HEATR4: variants seen among roughly 807,000 people sequenced by gnomAD.
The protein encoded by HEATR4 is HEAT repeat containing 4.
A neutral mutation model predicts 108.8 loss-of-function variants in HEATR4; 95 were observed. The ratio of observed to expected loss-of-function variants is 0.87; its 90% confidence interval spans 0.74 to 1.04. The LOEUF is 1.04. Ranked by LOEUF, HEATR4 falls within the 50% of genes least tolerant of loss-of-function variation. The probability of loss-of-function intolerance (pLI) is 0.00; values close to 1 mark genes in which losing one functional copy is unlikely to be tolerated. For missense variants in HEATR4, 1,152 were observed against 1,253.8 expected, an observed-to-expected ratio of 0.92 and a Z score of 1.23; for synonymous variants, 443 against 459.4, an observed-to-expected ratio of 0.96 and a Z score of 0.46.
intron 1 of HEATR4, chr14:73,537,951 G>C (rs113886692): frequency 9.7e-7 from 1 of 1,030,132 alleles, no homozygotes; most frequent in Non-Finnish European, 1.2e-6. Flanking sequence ...GTGTGTGTGT[G>C]TCCCCTTCGC....
the HEATR4 span, chr14:73,619,324 A>C: frequency 3.7e-6 from 6 of 1,614,058 alleles, no homozygotes; most frequent in Non-Finnish European, 4.2e-6. Flanking sequence ...CATCACAGCC[A>C]CTGTACTTAT....
At chr14:73,522,139 A>G in intron 3 of HEATR4, 133 bp downstream of exon 3, 1 of 930,916 alleles carries the variant, frequency 1.1e-6, no homozygotes, top group Non-Finnish European at 1.7e-6. Context: ...GCTCTCAGAG[A>G]GCAGGCCGGT....
At position 73,500,561 on chromosome 14, in the gene HEATR4, G is replaced by A. The variant is rs148646899; in HGVS notation, c.2275C>T (p.Arg759Cys). ...ACLAAGALQIRDKMVLECLLN... is the reference protein window; with the variant it reads ...ACLAAGALQICDKMVLECLLN... ...TTTCCCTGACTCACCATCTTGTCGC[G>A]GATCTGCAGGGCACCAGCTGCCAAA... Residue 759 changes from arginine (R) to cysteine (C), a missense_variant, in exon 12 of 18, where the codon CGC becomes TGC. Transcript: ENST00000553558. 563 of 1,612,696 alleles carry A rather than the reference G, an allele frequency of 3.5e-4. 4 individuals are homozygous for A. The highest frequency in any genetic ancestry group is 1.1e-4 in the Non-Finnish European group (125 of 1,179,510).
chr14:73,506,341 G>A (rs1886821304), intron 10 of HEATR4, 126 bp downstream of exon 10: 2 of 660,268 alleles, frequency 3.0e-6, no homozygotes, highest in Admixed American at 5.0e-5. Flanking sequence ...GAAGTAAGAA[G>A]TAGTGATGTG....
intron 8 of HEATR4, 120 bp from the exon 9 acceptor site, chr14:73,508,414 C>T: frequency 1.3e-6 from 1 of 792,722 alleles, no homozygotes; most frequent in Non-Finnish European, 2.1e-6. Flanking sequence ...TTGTGCCCCA[C>T]TCAGTCTAGA....
chr14:73,598,777 C>T, the HEATR4 span, among the ~76,000 whole-genome samples: 1 of 151,914 alleles, frequency 6.6e-6, no homozygotes, highest in African/African-American at 2.4e-5. Flanking sequence ...CCAAAGCAGG[C>T]GGATCACCTG....
chr14:73,590,472 G>A, the HEATR4 span, among the ~76,000 whole-genome samples: 1 of 152,202 alleles, frequency 6.6e-6, no homozygotes, highest in African/African-American at 2.4e-5. Flanking sequence ...CCCGCGCCGT[G>A]CGCCCGCACT....
chr14:73,597,070 T>TTTTATTTATTTATTTA, the HEATR4 span, among the ~76,000 whole-genome samples: 297 of 148,902 alleles, frequency 2.0e-3, 4 homozygotes, highest in African/African-American at 6.4e-3. Flanking sequence ...GGTAATTTTA[T>TTTTATTTATTTATTTA]TTTATTTATT....
chr14:73,500,319 T>C (rs1385907245), intron 12 of HEATR4, among the ~76,000 whole-genome samples: 3 of 151,706 alleles, frequency 2.0e-5, no homozygotes, highest in African/African-American at 7.3e-5. Flanking sequence ...TCGTTAGTGT[T>C]AGTGTACTTT....
Position 73,550,256 on chromosome 14 carries a change from C to G in HEATR4, c.-152+8495G>C, listed in dbSNP as rs1190612380. ...GTAGCTAAGGGAGTGACCGTGTTCT[C>G]GGGATGCAGCGACCATGGCACCCAT... On this transcript the variant is annotated intron_variant, in intron 1 of 17. Transcript: ENST00000553558. 1.8e-5 allele frequency among the ~76,000 whole-genome samples: 2 copies of G among 113,278 alleles called. 1 individual carries two copies. The highest frequency in any genetic ancestry group is 5.8e-5 in the African/African-American group (2 of 34,606). The allele number at this position is 113,278 out of a possible 152,430, so 74.3% of individuals were successfully genotyped here.
At chr14:73,600,835 G>A in the HEATR4 span, among the ~76,000 whole-genome samples, 1 of 152,098 alleles carries the variant, frequency 6.6e-6, no homozygotes, top group Non-Finnish European at 1.5e-5. Context: ...TACACCTCTA[G>A]ATATCTGTTT....
At chr14:73,491,699 G>T (rs1595082883) in intron 17 of HEATR4, 1 of 1,550,224 alleles carries the variant, frequency 6.5e-7, no homozygotes, top group Non-Finnish European at 8.7e-7. Flanking sequence ...GCGCGAGGCG[G>T]TGCTGGTGCG....
chr14:73,619,794 T>C, the HEATR4 span: 8 of 1,611,322 alleles, frequency 5.0e-6, no homozygotes, highest in Non-Finnish European at 6.8e-6. Context: ...CTTTCTTCCA[T>C]AAACATCTCA....
chr14:73,486,006 A>T (rs1885438409), intron 17 of HEATR4, among the ~76,000 whole-genome samples: 1 of 152,136 alleles, frequency 6.6e-6, no homozygotes, highest in Non-Finnish European at 1.5e-5. Context: ...TAGCCACTGC[A>T]CCTGGCCAGT....
upstream of HEATR4, among the ~76,000 whole-genome samples, chr14:73,561,459 G>A (rs150188892): frequency 5.1e-3 from 766 of 151,350 alleles, 37 homozygotes; most frequent in South Asian, 0.099. Flanking sequence ...AGCCTGAGGC[G>A]GACAGATTAC....
chr14:73,501,202 G>A (rs1020871234), intron 11 of HEATR4, among the ~76,000 whole-genome samples: 3 of 150,440 alleles, frequency 2.0e-5, no homozygotes, highest in South Asian at 2.1e-4. Flanking sequence ...TACTGCAAGC[G>A]CCGCCTCCTG....
At chr14:73,630,812 C>G in the HEATR4 span, among the ~76,000 whole-genome samples, 1 of 152,158 alleles carries the variant, frequency 6.6e-6, no homozygotes, top group South Asian at 2.1e-4. Flanking sequence ...GTTTTTATGG[C>G]TAGCCTCAGG....
At chr14:73,560,645 G>C (rs1436654323), upstream of HEATR4, among the ~76,000 whole-genome samples, 1 of 142,686 alleles carries the variant, frequency 7.0e-6, no homozygotes, top group Admixed American at 7.3e-5. Context: ...CTGGGCGACA[G>C]AGCAAGACTC....
intron 17 of HEATR4, 88 bp from the exon 18 acceptor site, chr14:73,478,930 G>T: frequency 1.0e-6 from 1 of 961,702 alleles, no homozygotes; most frequent in Non-Finnish European, 1.6e-6. Flanking sequence ...TTTGGCTATA[G>T]GGTGTCTCCT....
Sources: gnomAD v4.1 joint callset for allele counts (sites outside exome capture counted in the v4.1 genomes callset) on GRCh38, gnomAD v4.1.1 for gene constraint, MANE v1.5 for transcripts, NCBI Gene and HGNC (gene_info 2026-07-23, HGNC 2026-07-21) for gene names.